Variants in MACROD2 observed in about 807,000 individuals in gnomAD.
MACROD2 encodes the protein ADP-ribose glycohydrolase MACROD2.
MACROD2 carries 36 observed loss-of-function variants against 70.4 expected under a neutral mutation model. The ratio of observed to expected loss-of-function variants is 0.51; its 90% CI spans 0.39 to 0.68. The LOEUF is 0.68. Among genes scored for constraint, MACROD2 ranks in the 30% least tolerant of loss-of-function variants. The pLI, the probability that MACROD2 is intolerant of heterozygous loss-of-function variation, is 0.00. For synonymous variants in MACROD2, 172 were observed against 178.8 expected (o/e 0.96, Z 0.30); for missense variants, 496 against 538.4 (o/e 0.92, Z 0.78).
rs892592126 is a variant in MACROD2, at chr20:15,684,639, A to T, written c.646-178106A>T. 3.9e-5 allele frequency among the ~76,000 whole-genome samples: 6 copies of T among 152,206 alleles called. No individual in the cohort carries two copies. In the South Asian group the frequency reaches 1.2e-3, roughly 32 times the overall value. Reference sequence around the variant, plus strand: ...AATTAAGGATTTTTCAAGATAAAGGATTATAGATAGGAAATTTCCTTGTGA... The same window carrying T: ...AATTAAGGATTTTTCAAGATAAAGGTTTATAGATAGGAAATTTCCTTGTGA... On this transcript the variant is annotated intron_variant, in intron 8 of 17. Coordinates refer to ENST00000684519, the MANE Select transcript of MACROD2 (RefSeq NM_001351661.2).
chr20:15,536,366 TA>T (rs921240401), intron 8 of MACROD2, among the ~76,000 whole-genome samples: 1 of 152,178 alleles, frequency 6.6e-6, no homozygotes, highest in African/African-American at 2.4e-5. Context: ...CCTCAACTCC[TA>T]AAACAAAGGA....
intron 10 of MACROD2, among the ~76,000 whole-genome samples, chr20:15,898,543 T>A (rs2065009022): frequency 1.2e-5 from 1 of 83,612 alleles, no homozygotes. Context: ...AGAGCAAGAC[T>A]CAGTCTAAAA....
At chr20:15,550,609 A>G (rs1186735319) in intron 8 of MACROD2, among the ~76,000 whole-genome samples, 1 of 152,176 alleles carries the variant, frequency 6.6e-6, no homozygotes, top group African/African-American at 2.4e-5. Context: ...ACACTCTGAC[A>G]CTGTGCAAAT....
At chr20:16,020,762 T>A (rs1438136876) in intron 15 of MACROD2, among the ~76,000 whole-genome samples, 1 of 151,846 alleles carries the variant, frequency 6.6e-6, no homozygotes, top group Non-Finnish European at 1.5e-5. Context: ...CACGTACAAG[T>A]GGGATGGGGG....
chr20:15,390,631 C>T (rs974601008), intron 6 of MACROD2, among the ~76,000 whole-genome samples: 4 of 151,994 alleles, frequency 2.6e-5, no homozygotes, highest in Admixed American at 2.6e-4. Flanking sequence ...CTATCCATTA[C>T]AGAAAGCTAA....
At chr20:14,059,553 T>C (rs370814118) in intron 2 of MACROD2, among the ~76,000 whole-genome samples, 4 of 152,140 alleles carry the variant, frequency 2.6e-5, no homozygotes, top group African/African-American at 7.2e-5. Context: ...GTCAGAGAAG[T>C]CCTTTTTGAA....
At chr20:14,988,954 TAA>T (rs1319623484) in intron 5 of MACROD2, among the ~76,000 whole-genome samples, 1 of 152,110 alleles carries the variant, frequency 6.6e-6, no homozygotes, top group African/African-American at 2.4e-5. Flanking sequence ...ATATAAATAA[TAA>T]AGACTTAGAT....
At chr20:15,407,024 C>T (rs1457882875) in intron 6 of MACROD2, among the ~76,000 whole-genome samples, 4 of 152,298 alleles carry the variant, frequency 2.6e-5, no homozygotes, top group Middle Eastern at 3.4e-3. Context: ...TTTGCCTGTT[C>T]GGAGACCAAG....
At chr20:15,661,807 AG>A (rs1489836886) in intron 8 of MACROD2, among the ~76,000 whole-genome samples, 1 of 152,192 alleles carries the variant, frequency 6.6e-6, no homozygotes, top group Non-Finnish European at 1.5e-5. Flanking sequence ...TGTAAAATTA[AG>A]GTGTAATCAC....
Position 16,052,352 on chromosome 20 carries a change from G to C in MACROD2, c.*2476G>C, listed in dbSNP as rs2067469152. 1 of 152,170 alleles carries C rather than the reference G, an allele frequency of 6.6e-6. No individual in the cohort carries two copies. Among genetic ancestry groups the C allele is most frequent in the Non-Finnish European group, 1.5e-5 (1 of 68,022 alleles). 9.4% of individuals were successfully genotyped at this position (152,170 alleles called of 1,614,324 possible). ...ATTGCACAGGCTGTACAATGAAATAGATTTGAAAAGCTGATTGATTTTCCC... is the reference window on the plus strand; with the variant it reads ...ATTGCACAGGCTGTACAATGAAATACATTTGAAAAGCTGATTGATTTTCCC... On this transcript the variant is annotated 3_prime_UTR_variant, in exon 18 of 18. Transcript: ENST00000684519.
chr20:14,455,417 G>A (rs990864875), intron 3 of MACROD2, among the ~76,000 whole-genome samples: 6 of 151,790 alleles, frequency 4.0e-5, no homozygotes, highest in African/African-American at 1.5e-4. Context: ...TTTGATCAAC[G>A]AAAGAAAGAA....
intron 6 of MACROD2, among the ~76,000 whole-genome samples, chr20:15,293,176 A>G (rs1260040810): frequency 6.6e-6 from 1 of 152,222 alleles, no homozygotes; most frequent in East Asian, 1.9e-4. Flanking sequence ...TCCCTGCCAC[A>G]TGGCATCTCT....
intron 3 of MACROD2, among the ~76,000 whole-genome samples, chr20:14,466,484 T>C (rs929556754): frequency 2.6e-5 from 4 of 152,104 alleles, no homozygotes; most frequent in African/African-American, 9.7e-5. Context: ...TTCAAACTTA[T>C]TCCTTTAGCT....
At chr20:15,450,326 G>T (rs1437934512) in intron 7 of MACROD2, among the ~76,000 whole-genome samples, 1 of 151,758 alleles carries the variant, frequency 6.6e-6, no homozygotes, top group Non-Finnish European at 1.5e-5. Flanking sequence ...ACTTAAAAAA[G>T]ATTTTAGGAG....
chr20:14,823,621 G>A (rs1057353745), intron 5 of MACROD2, among the ~76,000 whole-genome samples: 13 of 152,054 alleles, frequency 8.5e-5, no homozygotes, highest in African/African-American at 2.9e-4. Context: ...TCTTTACAAA[G>A]AGTCTTTCTG....
intron 5 of MACROD2, among the ~76,000 whole-genome samples, chr20:15,194,709 T>C (rs979759998): frequency 6.6e-6 from 1 of 152,182 alleles, no homozygotes; most frequent in African/African-American, 2.4e-5. Flanking sequence ...TTAACATTGA[T>C]TAAATGCTAT....
At chr20:14,351,494 T>C (rs983114820) in intron 3 of MACROD2, among the ~76,000 whole-genome samples, 1 of 152,188 alleles carries the variant, frequency 6.6e-6, no homozygotes, top group African/African-American at 2.4e-5. Flanking sequence ...TTTAATTTTA[T>C]TTGTGGCTAT....
At chr20:14,662,958 T>C (rs1986296064) in intron 4 of MACROD2, among the ~76,000 whole-genome samples, 1 of 152,152 alleles carries the variant, frequency 6.6e-6, no homozygotes, top group South Asian at 2.1e-4. Flanking sequence ...GAAATACCAT[T>C]TGACCCAGCA....
intron 12 of MACROD2, among the ~76,000 whole-genome samples, chr20:15,958,064 C>G (rs939406156): frequency 6.6e-6 from 1 of 152,180 alleles, no homozygotes; most frequent in African/African-American, 2.4e-5. Flanking sequence ...GGGAAAGCTA[C>G]TTCTTATTCT....
Sources: allele counts gnomAD v4.1 joint callset (sites outside exome capture counted in the v4.1 genomes callset), GRCh38; gene constraint gnomAD v4.1.1; transcripts MANE v1.5; gene names NCBI Gene and HGNC (gene_info 2026-07-23, HGNC 2026-07-21).